The following PLCG2 variants were observed in gnomAD, a reference collection of about 807,000 sequenced individuals.
The protein encoded by PLCG2 is phospholipase C gamma 2.
PLCG2 carries 69 observed loss-of-function variants against 175.6 expected under a neutral mutation model. The ratio of observed to expected loss-of-function variants is 0.39; its 90% CI spans 0.32 to 0.48. PLCG2 has a LOEUF of 0.48. PLCG2 is among the 20% of genes least tolerant of loss of function. The probability of loss-of-function intolerance (pLI) is 0.91; values close to 1 mark genes in which losing one functional copy is unlikely to be tolerated. For synonymous variants in PLCG2, 827 were observed against 624.0 expected (o/e 1.33, Z -4.85); for missense variants, 1,798 against 1,650.9 (o/e 1.09, Z -1.54).
At chr16:81,910,200 C>G (rs1481755880) in intron 17 of PLCG2, among the ~76,000 whole-genome samples, 2 of 152,144 alleles carry the variant, frequency 1.3e-5, no homozygotes, top group Non-Finnish European at 2.9e-5. Flanking sequence ...AAGTGATTCT[C>G]TTGCCTCAGC....
chr16:81,827,415 C>G (rs151157588), intron 2 of PLCG2, among the ~76,000 whole-genome samples: 6 of 152,118 alleles, frequency 3.9e-5, no homozygotes, highest in Non-Finnish European at 8.8e-5. Flanking sequence ...TCTCGAACTC[C>G]TAGGCTCAAG....
chr16:81,917,573 C>G (rs1465730385), intron 19 of PLCG2, among the ~76,000 whole-genome samples: 2 of 152,142 alleles, frequency 1.3e-5, no homozygotes, highest in Admixed American at 6.5e-5. Flanking sequence ...TAGCTAATAG[C>G]CATTCTAACA....
chr16:81,750,663 A>AGTTTTTTTTTTTTTT (rs1909790753), intron 1 of PLCG2, among the ~76,000 whole-genome samples: 2 of 68,446 alleles, frequency 2.9e-5, no homozygotes, highest in Non-Finnish European at 5.3e-5. Flanking sequence ...GGGACTGGAG[A>AGTTTTTTTTTTTTTT]TTTTTTTTTT....
In PLCG2 at chr16:81,919,476, T is replaced by C. The variant is rs12448130; in HGVS notation, c.2055-8T>C. The C allele has an allele frequency of 1, 1,607,790 of 1,610,758 alleles. 802,447 individuals are homozygous for C. The highest frequency in any genetic ancestry group is 1 in the Non-Finnish European group (1,177,415 of 1,177,578). On this transcript the variant is annotated splice_polypyrimidine_tract_variant and splice_region_variant and intron_variant, in intron 19 of 32. Transcript: ENST00000564138. ...TGGCATGTCAACCCTGTGTTCTTCC[T>C]GCTCCAGGGCTAGGGGCAAGGTAAA...
At chr16:81,766,482 TTCCTCCTCC>T (rs1049591823) in intron 2 of PLCG2, among the ~76,000 whole-genome samples, 1 of 376 alleles carries the variant, frequency 2.7e-3, no homozygotes, top group African/African-American at 5.7e-3. Flanking sequence ...CCTCCTCCTC[TTCCTCCTCC>T]TCCTCCTCTT....
chr16:81,921,222 G>C lies in PLCG2; in HGVS notation c.2260G>C (p.Asp754His), dbSNP rs190001915. 76 of 1,604,076 alleles carry C rather than the reference G, an allele frequency of 4.7e-5. 1 individual carries two copies. The Admixed American group carries it at 1.0e-3, about 21-fold the overall frequency. The change falls in exon 21 of 33, where the codon GAC becomes CAC. Residue 754 changes from aspartate (D) to histidine (H), a missense_variant. Coordinates refer to ENST00000564138, the MANE Select transcript of PLCG2 (RefSeq NM_002661.5). The part of the protein sequence containing the change: ...NMERDINSLY[D>H]VSRMYVDPSE... Reference sequence around the variant, plus strand: ...GGAAAGAGATATAAACTCCCTCTACGACGTCAGCAGAATGTATGTGGATCC... The same window carrying C: ...GGAAAGAGATATAAACTCCCTCTACCACGTCAGCAGAATGTATGTGGATCC...
chr16:81,836,944 G>T (rs896947926), intron 2 of PLCG2, among the ~76,000 whole-genome samples: 1 of 152,170 alleles, frequency 6.6e-6, no homozygotes, highest in African/African-American at 2.4e-5. Context: ...TGTGCATGTG[G>T]TTTCCCTTCC....
At chr16:81,902,014 C>T (rs1052629959) in intron 14 of PLCG2, among the ~76,000 whole-genome samples, 6 of 152,150 alleles carry the variant, frequency 3.9e-5, no homozygotes, top group Non-Finnish European at 8.8e-5. Context: ...ATGTGGTGGA[C>T]GCTTGGTCTC....
intron 30 of PLCG2, among the ~76,000 whole-genome samples, chr16:81,942,827 C>G (rs1413355123): frequency 1.3e-5 from 2 of 151,352 alleles, no homozygotes; most frequent in Admixed American, 6.6e-5. Context: ...ACTGGGTGCT[C>G]AAAGCCAGAT....
intron 20 of PLCG2, among the ~76,000 whole-genome samples, chr16:81,920,809 A>G (rs967703914): frequency 6.6e-6 from 1 of 152,162 alleles, no homozygotes; most frequent in Non-Finnish European, 1.5e-5. Context: ...AAATACTTCC[A>G]TGGAGGTCAG....
intron 2 of PLCG2, among the ~76,000 whole-genome samples, chr16:81,828,153 A>G (rs905349732): frequency 6.7e-6 from 1 of 148,856 alleles, no homozygotes; most frequent in Admixed American, 6.8e-5. Context: ...AATGATCTTC[A>G]CCTGACAAAA....
chr16:81,899,608 T>G (rs1387638941), intron 13 of PLCG2, among the ~76,000 whole-genome samples: 1 of 152,128 alleles, frequency 6.6e-6, no homozygotes, highest in East Asian at 1.9e-4. Flanking sequence ...GTCCTCACCA[T>G]CTGTTGACTG....
chr16:81,827,008 C>A (rs1905074411), intron 2 of PLCG2, among the ~76,000 whole-genome samples: 1 of 152,198 alleles, frequency 6.6e-6, no homozygotes, highest in Non-Finnish European at 1.5e-5. Context: ...CTACTTCCAG[C>A]CTCCCTGTTC....
intron 13 of PLCG2, among the ~76,000 whole-genome samples, chr16:81,899,915 G>T (rs1285459738): frequency 6.6e-6 from 1 of 152,156 alleles, no homozygotes; most frequent in East Asian, 1.9e-4. Context: ...CGCTCAAAAG[G>T]CCCTGATCCT....
At chr16:81,852,833 C>T (rs952416238) in intron 2 of PLCG2, among the ~76,000 whole-genome samples, 14 of 152,208 alleles carry the variant, frequency 9.2e-5, no homozygotes, top group African/African-American at 3.4e-4. Context: ...AGAGGATCCA[C>T]TTCTAAGATG....
rs926439025 is a variant in PLCG2 at position 81,753,981 on chromosome 16, C to T, written c.-144-1889C>T. On this transcript the variant is annotated intron_variant, in intron 1 of 5. Transcript: ENST00000565054. ...GGGTGGAGGCTGAGCCTGTGTGAGG[C>T]GCTGCCCTGTGTCTTCTCTTGCCTG... is the stretch of plus-strand genomic sequence containing the variant. Among the ~76,000 whole-genome samples the T allele has an allele frequency of 3.3e-5, 5 of 152,164 alleles. 1 individual carries two copies. Among genetic ancestry groups the T allele is most frequent in the Middle Eastern group, 6.8e-3 (2 of 294 alleles).
rs148781924 is a variant in PLCG2, at chr16:81,752,091, C to G, written c.-144-3779C>G. On this transcript the variant is annotated intron_variant, in intron 1 of 5. Coordinates refer to the PLCG2 transcript ENST00000565054. ...ATAAAAGAGCTAGGATTTGAACCTG[C>G]AACTCTTCACTGTGATGTAGGCCCC... Among the ~76,000 whole-genome samples the G allele has an allele frequency of 3.1e-3, 465 of 152,116 alleles. 2 individuals carry two copies. The highest frequency in any genetic ancestry group is 0.011 in the African/African-American group (440 of 41,504).
chr16:81,788,247 C>T (rs2094589394), intron 2 of PLCG2, among the ~76,000 whole-genome samples: 1 of 152,158 alleles, frequency 6.6e-6, no homozygotes, highest in Admixed American at 6.5e-5. Flanking sequence ...TGAAGGACAG[C>T]TTCCTGAAGG....
chr16:81,826,938 C>T (rs2143363114), intron 2 of PLCG2, among the ~76,000 whole-genome samples: 1 of 152,320 alleles, frequency 6.6e-6, no homozygotes, highest in South Asian at 2.1e-4. Flanking sequence ...AACCAGCCTC[C>T]TGCCTCCTGT....
Sources: allele counts gnomAD v4.1 joint callset (sites outside exome capture counted in the v4.1 genomes callset), GRCh38; gene constraint gnomAD v4.1.1; transcripts MANE v1.5; gene names NCBI Gene and HGNC (gene_info 2026-07-23, HGNC 2026-07-21).